Variants in EXOC6B observed in about 807,000 individuals in gnomAD.
EXOC6B encodes the protein exocyst complex component 6B.
A neutral mutation model predicts 113.5 loss-of-function variants in EXOC6B; 54 were observed. The observed-to-expected ratio is 0.48, with a 90% confidence interval of 0.38 to 0.60. The LOEUF is 0.60. Among genes scored for constraint, EXOC6B ranks in the 20% least tolerant of loss-of-function variants. EXOC6B has a pLI of 0.00. For missense variants in EXOC6B, 797 were observed against 977.5 expected (o/e 0.82, Z 2.46); for synonymous variants, 357 against 339.0 (o/e 1.05, Z -0.58).
chr2:72,704,332 G>A (rs974838499), intron 6 of EXOC6B, among the ~76,000 whole-genome samples: 11 of 151,162 alleles, frequency 7.3e-5, no homozygotes, highest in Non-Finnish European at 1.3e-4. Flanking sequence ...AAAGCAGTGT[G>A]TAGAGGGAAA....
At chr2:72,595,889 C>T (rs1300707336) in intron 6 of EXOC6B, among the ~76,000 whole-genome samples, 1 of 152,094 alleles carries the variant, frequency 6.6e-6, no homozygotes, top group Middle Eastern at 3.2e-3. Context: ...ACAAATAAGA[C>T]TACCATGTTC....
chr2:72,448,147 A>G (rs1696698116), intron 18 of EXOC6B, among the ~76,000 whole-genome samples: 1 of 152,160 alleles, frequency 6.6e-6, no homozygotes, highest in Non-Finnish European at 1.5e-5. Flanking sequence ...CCCAAAAAAT[A>G]TCCCCTTATA....
intron 6 of EXOC6B, among the ~76,000 whole-genome samples, chr2:72,693,036 G>A (rs1677612157): frequency 6.6e-6 from 1 of 152,136 alleles, no homozygotes; most frequent in Non-Finnish European, 1.5e-5. Context: ...GAAACACTGA[G>A]CTTTAATACC....
At chr2:72,804,098 G>C (rs1050262342) in intron 1 of EXOC6B, among the ~76,000 whole-genome samples, 1 of 152,142 alleles carries the variant, frequency 6.6e-6, no homozygotes, top group Non-Finnish European at 1.5e-5. Flanking sequence ...TGGGATTCTA[G>C]GTTCAGGCAG....
intron 20 of EXOC6B, among the ~76,000 whole-genome samples, chr2:72,238,257 T>C (rs913288677): frequency 1.3e-5 from 2 of 152,242 alleles, no homozygotes; most frequent in Non-Finnish European, 2.9e-5. Context: ...TTCCTTTTTA[T>C]TGCTAAATAA....
At chr2:72,338,719 G>A (rs1321292172) in intron 19 of EXOC6B, among the ~76,000 whole-genome samples, 1 of 151,938 alleles carries the variant, frequency 6.6e-6, no homozygotes, top group Non-Finnish European at 1.5e-5. Context: ...TTTGTATACG[G>A]TCTAATTTCA....
chr2:72,636,487 G>C (rs1386671811), intron 6 of EXOC6B, among the ~76,000 whole-genome samples: 1 of 145,596 alleles, frequency 6.9e-6, no homozygotes, highest in Non-Finnish European at 1.5e-5. Flanking sequence ...TGAAGGAGGA[G>C]AAGGAGGAGG....
intron 8 of EXOC6B, among the ~76,000 whole-genome samples, chr2:72,528,779 T>C (rs1701853927): frequency 6.6e-6 from 1 of 152,132 alleles, no homozygotes; most frequent in Non-Finnish European, 1.5e-5. Flanking sequence ...TAAGTATTTC[T>C]TTTTGTTAAA....
chr2:72,221,845 T>G (rs1680884481), intron 20 of EXOC6B, among the ~76,000 whole-genome samples: 1 of 152,212 alleles, frequency 6.6e-6, no homozygotes. Context: ...AAAATCATGT[T>G]CTATTTGATT....
At chr2:72,692,969 T>C (rs535267311) in intron 6 of EXOC6B, among the ~76,000 whole-genome samples, 1 of 152,274 alleles carries the variant, frequency 6.6e-6, no homozygotes, top group Non-Finnish European at 1.5e-5. Context: ...TCCCCTAAAC[T>C]ATCCTTAAAG....
At chr2:72,322,488 TGTG>T (rs987027912) in intron 20 of EXOC6B, among the ~76,000 whole-genome samples, 12 of 152,152 alleles carry the variant, frequency 7.9e-5, no homozygotes, top group Admixed American at 6.5e-4. Flanking sequence ...TGTTCTTGGT[TGTG>T]GTGGTGGTGG....
intron 20 of EXOC6B, among the ~76,000 whole-genome samples, chr2:72,185,335 C>T (rs1241982665): frequency 6.6e-6 from 1 of 152,258 alleles, no homozygotes; most frequent in Non-Finnish European, 1.5e-5. Flanking sequence ...CACCTTCCTC[C>T]ATGTCTGTCT....
chr2:72,546,799 T>C (rs1342776352), intron 8 of EXOC6B, among the ~76,000 whole-genome samples: 2 of 152,236 alleles, frequency 1.3e-5, no homozygotes, highest in African/African-American at 2.4e-5. Context: ...CTTTGAAATA[T>C]GCTTTTAGAT....
intron 1 of EXOC6B, among the ~76,000 whole-genome samples, chr2:72,806,631 T>G (rs1685591325): frequency 6.6e-6 from 1 of 152,260 alleles, no homozygotes. Flanking sequence ...GTGGCTGATC[T>G]AATTTACATT....
intron 11 of EXOC6B, among the ~76,000 whole-genome samples, chr2:72,506,736 A>G (rs929211526): frequency 6.6e-6 from 1 of 152,036 alleles, no homozygotes; most frequent in Non-Finnish European, 1.5e-5. Flanking sequence ...AAGAACGGCC[A>G]TTCTATTTGT....
At chr2:72,767,729 C>A (rs961059862) in intron 1 of EXOC6B, among the ~76,000 whole-genome samples, 1 of 142,124 alleles carries the variant, frequency 7.0e-6, no homozygotes, top group African/African-American at 2.6e-5. Context: ...GGGAGTATCA[C>A]CTAAGCCTGG....
chr2:72,704,276 C>T (rs973499581), intron 6 of EXOC6B, among the ~76,000 whole-genome samples: 18 of 150,666 alleles, frequency 1.2e-4, no homozygotes, highest in Admixed American at 1.1e-3. Context: ...TCTTTGAAAC[C>T]AACGAGAACA....
At chr2:72,336,101 C>A (rs1157046746) in intron 19 of EXOC6B, among the ~76,000 whole-genome samples, 1 of 152,044 alleles carries the variant, frequency 6.6e-6, no homozygotes, top group African/African-American at 2.4e-5. Context: ...AAGCCCGTGG[C>A]CAATCTCCTA....
chr2:72,671,844 TGGAG>T (rs1379539078), intron 6 of EXOC6B, among the ~76,000 whole-genome samples: 1 of 80,728 alleles, frequency 1.2e-5, no homozygotes, highest in African/African-American at 5.2e-5. Context: ...AAGGAAAGAA[TGGAG>T]GGAGGAAGAA....
Sources: gnomAD v4.1 joint callset for allele counts (sites outside exome capture counted in the v4.1 genomes callset) on GRCh38, gnomAD v4.1.1 for gene constraint, MANE v1.5 for transcripts, NCBI Gene and HGNC (gene_info 2026-07-23, HGNC 2026-07-21) for gene names.